The following LINGO2 variants were observed in gnomAD, a reference collection of about 807,000 sequenced individuals.
LINGO2 encodes the protein leucine-rich repeat and immunoglobulin-like domain-containing nogo receptor-interacting protein 2.
A neutral mutation model predicts 30.6 loss-of-function variants in LINGO2; 14 were observed. The ratio of observed to expected loss-of-function variants is 0.46; its 90% CI spans 0.30 to 0.72. The LOEUF (loss-of-function observed/expected upper bound fraction) is 0.72, where lower values mean the gene tolerates loss of function less well. LINGO2 is among the 30% of genes least tolerant of loss of function. The pLI is 0.07. For missense variants in LINGO2, 729 were observed against 751.7 expected (o/e 0.97, Z 0.35); for synonymous variants, 317 against 288.5 (o/e 1.10, Z -1.00).
At chr9:28,358,364 T>C (rs937857482) in intron 3 of LINGO2, among the ~76,000 whole-genome samples, 85 of 152,232 alleles carry the variant, frequency 5.6e-4, no homozygotes, top group African/African-American at 1.9e-3. Flanking sequence ...CTGAGCAGTA[T>C]CTCCTGTCAT....
the LINGO2 span, among the ~76,000 whole-genome samples, chr9:28,823,867 C>T: frequency 6.6e-6 from 1 of 152,138 alleles, no homozygotes; most frequent in Admixed American, 6.5e-5. Flanking sequence ...TGTATATTGA[C>T]TGACTTAGGC....
At chr9:28,777,268 A>G in the LINGO2 span, among the ~76,000 whole-genome samples, 1 of 152,218 alleles carries the variant, frequency 6.6e-6, no homozygotes, top group African/African-American at 2.4e-5. Context: ...TGCATGTTGA[A>G]CAATTGAGAC....
chr9:28,985,634 T>G, the LINGO2 span, among the ~76,000 whole-genome samples: 2 of 152,138 alleles, frequency 1.3e-5, no homozygotes, highest in Non-Finnish European at 2.9e-5. Flanking sequence ...CATTTTCTCA[T>G]ATATATGTTG....
At chr9:28,977,750 G>A in the LINGO2 span, among the ~76,000 whole-genome samples, 2 of 152,200 alleles carry the variant, frequency 1.3e-5, no homozygotes, top group South Asian at 2.1e-4. Context: ...AAGGTAATTG[G>A]GTCAACCACA....
chr9:28,829,069 A>G, the LINGO2 span, among the ~76,000 whole-genome samples: 1 of 151,766 alleles, frequency 6.6e-6, no homozygotes, highest in Non-Finnish European at 1.5e-5. Flanking sequence ...AGCCATAAAA[A>G]CCCCCAGGAC....
the LINGO2 span, among the ~76,000 whole-genome samples, chr9:29,075,703 T>C: frequency 0.2 from 29,991 of 151,976 alleles, 3,098 homozygotes; most frequent in African/African-American, 0.24. Flanking sequence ...ATTTCAGTTG[T>C]ATGCTTCGAA....
intron 1 of LINGO2, among the ~76,000 whole-genome samples, chr9:28,562,977 G>A (rs896875593): frequency 1.8e-4 from 27 of 152,154 alleles, no homozygotes; most frequent in African/African-American, 6.0e-4. Flanking sequence ...CTCCCAAGTA[G>A]TGGGGACAAC....
chr9:28,901,788 G>A, the LINGO2 span, among the ~76,000 whole-genome samples: 4 of 151,534 alleles, frequency 2.6e-5, no homozygotes, highest in East Asian at 7.8e-4. Context: ...AGGTAGAAAG[G>A]AACAAATAAG....
the LINGO2 span, among the ~76,000 whole-genome samples, chr9:29,124,550 TTAAACAAATTTATAAGAAA>T: frequency 1.3e-5 from 2 of 152,066 alleles, no homozygotes; most frequent in African/African-American, 2.4e-5. Context: ...TACAAAGAAC[TTAAACAAATTTATAAGAAA>T]TAAACAAACA....
chr9:28,626,175 T>C (rs1166800195), intron 1 of LINGO2, among the ~76,000 whole-genome samples: 3 of 152,148 alleles, frequency 2.0e-5, no homozygotes, highest in African/African-American at 7.2e-5. Flanking sequence ...ATGACTAATA[T>C]GTTGAGTACC....
At chr9:28,795,253 C>T in the LINGO2 span, among the ~76,000 whole-genome samples, 8 of 152,104 alleles carry the variant, frequency 5.3e-5, no homozygotes, top group African/African-American at 1.2e-4. Context: ...TAGCAAATAC[C>T]GTGTGCTCAA....
chr9:28,428,314 A>C (rs1270664066), intron 2 of LINGO2, among the ~76,000 whole-genome samples: 1 of 152,144 alleles, frequency 6.6e-6, no homozygotes, highest in Non-Finnish European at 1.5e-5. Flanking sequence ...AAAGTGGTTA[A>C]GAAAATCACA....
At chr9:28,699,984 T>G in the LINGO2 span, among the ~76,000 whole-genome samples, 4 of 152,054 alleles carry the variant, frequency 2.6e-5, no homozygotes, top group Non-Finnish European at 5.9e-5. Context: ...ATCAGGAGTT[T>G]CTGATTTTGC....
At chr9:28,775,550 TC>T in the LINGO2 span, among the ~76,000 whole-genome samples, 3 of 152,166 alleles carry the variant, frequency 2.0e-5, no homozygotes, top group Non-Finnish European at 4.4e-5. Context: ...AGAATACATA[TC>T]TTTTTGGGCC....
intron 4 of LINGO2, among the ~76,000 whole-genome samples, chr9:28,238,562 A>C (rs1168948460): frequency 6.6e-6 from 1 of 152,176 alleles, no homozygotes; most frequent in Non-Finnish European, 1.5e-5. Context: ...TCAATAAAGA[A>C]ATTAAAAAGG....
intron 2 of LINGO2, among the ~76,000 whole-genome samples, chr9:28,435,948 G>T (rs1172543866): frequency 2.0e-5 from 3 of 152,114 alleles, no homozygotes; most frequent in East Asian, 3.9e-4. Context: ...TTGACAGGTT[G>T]GTTTAACATT....
chr9:28,255,624 C>G (rs1417813549), intron 4 of LINGO2, among the ~76,000 whole-genome samples: 1 of 152,098 alleles, frequency 6.6e-6, no homozygotes, highest in Non-Finnish European at 1.5e-5. Flanking sequence ...ATAACTCACA[C>G]ATCAGGTCTC....
chr9:29,068,105 A>G, the LINGO2 span, among the ~76,000 whole-genome samples: 552 of 151,992 alleles, frequency 3.6e-3, 2 homozygotes, highest in African/African-American at 0.013. Flanking sequence ...TCTCCCTGAC[A>G]AAAGTTGTGG....
At chr9:28,446,919 C>A (rs1331105072) in intron 2 of LINGO2, among the ~76,000 whole-genome samples, 1 of 152,210 alleles carries the variant, frequency 6.6e-6, no homozygotes, top group Non-Finnish European at 1.5e-5. Flanking sequence ...CTCTGCCCTG[C>A]AGTCACACTG....
Sources: allele counts gnomAD v4.1 joint callset (sites outside exome capture counted in the v4.1 genomes callset), GRCh38; gene constraint gnomAD v4.1.1; transcripts MANE v1.5; gene names NCBI Gene and HGNC (gene_info 2026-07-23, HGNC 2026-07-21).